RYR1: variants seen among roughly 807,000 people sequenced by gnomAD.
RYR1 encodes central core disease of muscle.
RYR1 carries 342 observed loss-of-function variants against 583.5 expected under a neutral mutation model. That is an observed-to-expected ratio of 0.59 (90% CI 0.54 to 0.64). RYR1 has a LOEUF of 0.64. RYR1 is among the 30% of genes least tolerant of loss of function. The pLI is 0.00. For synonymous variants in RYR1, 2,791 were observed against 2,822.5 expected (o/e 0.99, Z 0.35); for missense variants, 6,032 against 6,917.2 (o/e 0.87, Z 4.54).
chr19:38,455,840 T>A, intron 16 of RYR1, 89 bp downstream of exon 16: 1 of 824,808 alleles, frequency 1.2e-6, no homozygotes, highest in East Asian at 2.5e-5. Context: ...CTCCCTCACT[T>A]CCCTCCTCCA....
chr19:38,536,839 C>T lies in RYR1; in HGVS notation c.11608+72C>T, dbSNP rs112198494. The stretch of plus-strand genomic sequence containing the variant: ...CTCCTAACCCCGTCCACCCCTCCAC[C>T]TAGGGGCTGAGGATCTGGGACGTGG... On this transcript the variant is annotated intron_variant, in intron 83 of 105. Transcript: ENST00000359596. 1.2e-4 allele frequency: 180 copies of T among 1,508,830 alleles called. No homozygotes were observed. The African/African-American group carries it at 1.8e-3, about 15-fold the overall frequency. The allele number at this position is 1,508,830 out of a possible 1,614,324, so 93.5% of individuals were successfully genotyped here.
At chr19:38,468,592 A>G (rs1968251121) in intron 25 of RYR1, among the ~76,000 whole-genome samples, 1 of 152,170 alleles carries the variant, frequency 6.6e-6, no homozygotes, top group Admixed American at 6.6e-5. Flanking sequence ...TATTTTGTGC[A>G]TGTATATAAG....
intron 90 of RYR1, 29 bp from the exon 91 acceptor site, chr19:38,564,930 C>T: frequency 6.4e-7 from 1 of 1,558,654 alleles, no homozygotes; most frequent in South Asian, 1.2e-5. Context: ...CTGACGGCGC[C>T]CTATCCTGTC....
At chr19:38,553,342 A>AG (rs1212453572) in intron 89 of RYR1, among the ~76,000 whole-genome samples, 1 of 151,258 alleles carries the variant, frequency 6.6e-6, no homozygotes, top group African/African-American at 2.4e-5. Context: ...ATCAAAAAAA[A>AG]AAAAAAAAAA....
At chr19:38,455,795 G>T (rs371315019) in intron 16 of RYR1, 44 bp downstream of exon 16, 90 of 1,215,726 alleles carry the variant, frequency 7.4e-5, no homozygotes, top group Middle Eastern at 2.6e-4. Flanking sequence ...AACTCTGAAT[G>T]CTGGCCTCTC....
At chr19:38,579,483 CT>C (rs1485822146) in intron 99 of RYR1, among the ~76,000 whole-genome samples, 1 of 149,384 alleles carries the variant, frequency 6.7e-6, no homozygotes. Flanking sequence ...GTCTCAGCTA[CT>C]TGGCAGGCTT....
At position 38,534,800 on chromosome 19, in the gene RYR1, G is replaced by C. The variant is rs779790830; in HGVS notation, c.11340G>C (p.Gln3780His). ...HTRGAAEMVLQMISACKGETG... is the reference protein window; with the variant it reads ...HTRGAAEMVLHMISACKGETG... ...GGGGGGCGGCCGAGATGGTGCTGCA[G>C]ATGATCAGTGCCTGCAAAGGTGCCC... is the stretch of plus-strand genomic sequence containing the variant. Residue 3780 changes from glutamine to histidine, a missense_variant, in exon 79 of 106, where the codon CAG (glutamine) becomes CAC (histidine). Physicochemically the swap from Gln to His is conservative, Grantham distance 24 (BLOSUM62 0). Around this residue, in one of 11 missense-constraint regions of RYR1, gnomAD observed 1,493 missense variants for 1,715.5 expected, o/e 0.87. Transcript: ENST00000359596. 1 of 1,613,168 alleles carries C rather than the reference G, an allele frequency of 6.2e-7. No homozygotes were observed. The highest frequency in any genetic ancestry group is 1.1e-5 in the South Asian group (1 of 90,706).
chr19:38,561,657 C>T lies in RYR1; in HGVS notation c.12624+203C>T, dbSNP rs542941308. Among the ~76,000 whole-genome samples, 4 of 152,324 alleles carry T rather than the reference C, an allele frequency of 2.6e-5. No individual in the cohort carries two copies. The highest frequency in any genetic ancestry group is 2.1e-4 in the South Asian group (1 of 4,830). ...CTGGCTCGCCCCTGGCCACTTCTTG[C>T]GGACCTGGCCCACACAAGGATGCAC... is the stretch of plus-strand genomic sequence containing the variant. On this transcript the variant is annotated intron_variant, in intron 90 of 105. Transcript: ENST00000359596. This position sits in a 1 kb window ranked among gnomAD's most constrained non-coding sequence, Gnocchi z 4.8.
At chr19:38,509,457 T>A (rs796540910) in intron 58 of RYR1, among the ~76,000 whole-genome samples, 296 of 142,808 alleles carry the variant, frequency 2.1e-3, no homozygotes, top group South Asian at 0.01. Flanking sequence ...ATTATTTTTT[T>A]TTTTTTTTTT....
At position 38,519,426 on chromosome 19, in the gene RYR1, C is replaced by T. The variant is rs1355752084; in HGVS notation, c.10231C>T (p.Leu3411=). 1 of 1,600,984 alleles carries T rather than the reference C, an allele frequency of 6.2e-7. No individual in the cohort carries two copies. The highest frequency in any genetic ancestry group is 1.1e-5 in the South Asian group (1 of 89,248). ...LCRDLYALYP[L]LIRYVDNNRA... ...CCGGGACCTCTACGCCCTGTATCCG[C>T]TGCTCATCCGCTACGTGGACAACAA... Residue 3411 remains leucine (L), a synonymous_variant, in exon 67 of 106, where the codon CTG becomes TTG. Transcript: ENST00000359596.
At chr19:38,578,899 T>C (rs1015335091) in intron 99 of RYR1, among the ~76,000 whole-genome samples, 1 of 151,676 alleles carries the variant, frequency 6.6e-6, no homozygotes, top group Non-Finnish European at 1.5e-5. Flanking sequence ...TTGCTTGAGC[T>C]CAAACGTTTA....
At chr19:38,576,714 C>T (rs1368486614) in intron 97 of RYR1, among the ~76,000 whole-genome samples, 4 of 151,776 alleles carry the variant, frequency 2.6e-5, no homozygotes, top group Non-Finnish European at 4.4e-5. Context: ...GCAGGAGAAT[C>T]ACTTGAACCC....
chr19:38,526,243 G>A (rs1013107920), intron 71 of RYR1, among the ~76,000 whole-genome samples: 1 of 151,886 alleles, frequency 6.6e-6, no homozygotes, highest in African/African-American at 2.4e-5. Flanking sequence ...CCTTGTGTGG[G>A]ACAACAAGGA....
In RYR1 at chr19:38,442,911, G is replaced by A. The variant is rs370350642; in HGVS notation, c.270+458G>A. On this transcript the variant is annotated intron_variant, in intron 3 of 105. Transcript: ENST00000359596. The stretch of plus-strand genomic sequence containing the variant: ...CTCTCCCACCTCCCCCATCCCAAGC[G>A]TGAGTCCCTCTGGTCCAGGAGTGGG... 1.3e-4 allele frequency among the ~76,000 whole-genome samples: 20 copies of A among 152,264 alleles called. No individual in the cohort carries two copies. In the East Asian group the frequency reaches 1.5e-3, roughly 12 times the overall value.
rs1358522606 is a variant in RYR1 at position 38,483,263 on chromosome 19, G to A, written c.4708-27G>A. 6.4e-7 allele frequency: 1 copy of A among 1,565,532 alleles called. No individual in the cohort carries two copies. The highest frequency in any genetic ancestry group is 8.7e-7 in the Non-Finnish European group (1 of 1,155,194). On this transcript the variant is annotated intron_variant, in intron 32 of 105. Coordinates refer to ENST00000359596, the MANE Select transcript of RYR1 (RefSeq NM_000540.3). This position sits in a 1 kb window ranked among gnomAD's most constrained non-coding sequence, Gnocchi z 6.3. ...TGGGACAGAGGGGGCTGGCCATCTT[G>A]ACCCATGTGTGTCTCTCTGCCCTCA...
intron 49 of RYR1, 86 bp downstream of exon 49, chr19:38,503,056 C>T: frequency 7.6e-7 from 1 of 1,318,436 alleles, no homozygotes. Flanking sequence ...TCATTTGTGT[C>T]GGCACTGCCC....
chr19:38,478,957 G>A (rs778271578), intron 31 of RYR1, among the ~76,000 whole-genome samples: 4 of 152,158 alleles, frequency 2.6e-5, no homozygotes, highest in Non-Finnish European at 4.4e-5. Flanking sequence ...TAGTAGAGAC[G>A]AGGTTTCACT....
chr19:38,527,697 C>T lies in RYR1; in HGVS notation c.10737C>T (p.Val3579=), dbSNP rs1268930226. ...LRWQMALYRG[V]PGREEDADDP... ...GGCAGATGGCTCTGTACCGGGGCGT[C>T]CCGGGTCGCGAGGAGGACGCCGATG... The change falls in exon 73 of 106, where the codon GTC becomes GTT. Residue 3579 remains valine (V), a synonymous_variant. Transcript: ENST00000359596. The T allele has an allele frequency of 6.2e-7, 1 of 1,614,150 alleles. No homozygotes were observed. Among genetic ancestry groups the T allele is most frequent in the African/African-American group, 1.3e-5 (1 of 75,040 alleles).
intron 13 of RYR1, 70 bp downstream of exon 13, chr19:38,453,084 C>CTGAGG (rs1967172421): frequency 2.7e-6 from 4 of 1,501,858 alleles, no homozygotes; most frequent in Non-Finnish European, 3.6e-6. Context: ...GGCGGGGCCA[C>CTGAGG]GGCGCTGGGC....
Sources: gnomAD v4.1 joint callset for allele counts (sites outside exome capture counted in the v4.1 genomes callset) on GRCh38, gnomAD v4.1.1 for gene constraint, gnomAD v4.1.1 regional missense constraint, Gnocchi (gnomAD v3.1) non-coding constraint, MANE v1.5 for transcripts, NCBI Gene and HGNC (gene_info 2026-07-23, HGNC 2026-07-21) for gene names.